Variants in KCNQ5 observed in about 807,000 individuals in gnomAD.
The protein encoded by KCNQ5 is potassium voltage-gated channel subfamily KQT member 5.
A neutral mutation model predicts 98.2 loss-of-function variants in KCNQ5; 30 were observed. The ratio of observed to expected loss-of-function variants is 0.31; its 90% confidence interval spans 0.23 to 0.41. The LOEUF is 0.41. Among genes scored for constraint, KCNQ5 ranks in the 10% least tolerant of loss-of-function variants. The probability of loss-of-function intolerance (pLI) is 1.00; values close to 1 mark genes in which losing one functional copy is unlikely to be tolerated. For missense variants in KCNQ5, 835 were observed against 1,182.5 expected, an observed-to-expected ratio of 0.71 and a Z score of 4.31; for synonymous variants, 458 against 449.4, an observed-to-expected ratio of 1.02 and a Z score of -0.24.
At position 73,146,626 on chromosome 6, in the gene KCNQ5, CAAAAAAA is replaced by C. The variant is rs58798764; in HGVS notation, c.1468+13006_1468+13012del. ...TGGGCAACAGAACAAGTCCCTGTCT[CAAAAAAA>C]AAAAAAAAAAAAAAAAAAAAGCAAT... On this transcript the variant is annotated intron_variant, in intron 10 of 13. Transcript: ENST00000370398. Among the ~76,000 whole-genome samples the C allele has an allele frequency of 3.7e-3, 105 of 28,476 alleles. 1 individual carries two copies. Among genetic ancestry groups the C allele is most frequent in the South Asian group, 9.2e-3 (7 of 764 alleles). 18.7% of individuals were successfully genotyped at this position (28,476 alleles called of 152,430 possible).
At chr6:73,151,175 A>T (rs980421949) in intron 10 of KCNQ5, among the ~76,000 whole-genome samples, 5 of 152,196 alleles carry the variant, frequency 3.3e-5, no homozygotes, top group Admixed American at 1.3e-4. Context: ...AATAAAAGTC[A>T]AATGATATAA....
chr6:72,874,449 G>A (rs1385302321), intron 1 of KCNQ5, among the ~76,000 whole-genome samples: 1 of 151,902 alleles, frequency 6.6e-6, no homozygotes, highest in East Asian at 1.9e-4. Context: ...TATTGCAAAT[G>A]GTTTAACAAT....
At chr6:73,124,727 C>A in intron 9 of KCNQ5, 1 of 577,136 alleles carries the variant, frequency 1.7e-6, no homozygotes, top group Non-Finnish European at 3.1e-6. Context: ...TTTTCAAAAT[C>A]TGCAGGGCAT....
chr6:72,928,414 C>T (rs1027183809), intron 1 of KCNQ5, among the ~76,000 whole-genome samples: 34 of 151,984 alleles, frequency 2.2e-4, no homozygotes, highest in African/African-American at 8.2e-4. Flanking sequence ...TTCATAATTG[C>T]TACCTGGGTT....
intron 1 of KCNQ5, among the ~76,000 whole-genome samples, chr6:72,772,940 TA>T (rs1459358865): frequency 6.6e-6 from 1 of 152,172 alleles, no homozygotes; most frequent in Non-Finnish European, 1.5e-5. Flanking sequence ...TATAGATCTC[TA>T]ACAGGAAATT....
At chr6:72,911,015 G>A (rs1430727229) in intron 1 of KCNQ5, among the ~76,000 whole-genome samples, 1 of 152,150 alleles carries the variant, frequency 6.6e-6, no homozygotes, top group Admixed American at 6.6e-5. Flanking sequence ...CCCAGGTCAG[G>A]CTGTGAACAG....
In KCNQ5 at chr6:73,197,211, T is replaced by A. The variant is rs925343565; in HGVS notation, c.*1797T>A. 7.2e-5 allele frequency: 11 copies of A among 152,254 alleles called. No individual in the cohort carries two copies. The highest frequency in any genetic ancestry group is 2.2e-4 in the African/African-American group (9 of 41,438). 9.4% of individuals were successfully genotyped at this position (152,254 alleles called of 1,614,324 possible). A position where few individuals can be genotyped will look rare whatever the true frequency, so the allele number is the denominator to read the frequency against. On this transcript the variant is annotated 3_prime_UTR_variant, in exon 14 of 14. Transcript: ENST00000370398. ...TAACTCCTTATTCATTCCCTGCCAGTATTTTGCTTCTGAACTTCACCAGGC... is the reference window on the plus strand; with the variant it reads ...TAACTCCTTATTCATTCCCTGCCAGAATTTTGCTTCTGAACTTCACCAGGC...
At chr6:73,001,629 C>T (rs371071638) in intron 1 of KCNQ5, among the ~76,000 whole-genome samples, 1 of 152,112 alleles carries the variant, frequency 6.6e-6, no homozygotes, top group Non-Finnish European at 1.5e-5. Context: ...GAGGGAATAT[C>T]CAGATAAGGG....
At chr6:73,010,796 A>G (rs1185166381) in intron 2 of KCNQ5, among the ~76,000 whole-genome samples, 1 of 152,014 alleles carries the variant, frequency 6.6e-6, no homozygotes, top group African/African-American at 2.4e-5. Flanking sequence ...ATCAAAAAAT[A>G]CTTAGGAATT....
At chr6:73,075,017 A>T (rs1773468050) in intron 3 of KCNQ5, among the ~76,000 whole-genome samples, 1 of 152,196 alleles carries the variant, frequency 6.6e-6, no homozygotes. Flanking sequence ...TCAGGAGTAA[A>T]TCCCTCAACA....
chr6:73,004,445 A>G (rs187395581), intron 2 of KCNQ5, among the ~76,000 whole-genome samples: 109 of 152,310 alleles, frequency 7.2e-4, no homozygotes, highest in African/African-American at 2.5e-3. Flanking sequence ...TCATAAGAAA[A>G]TAGAAGGCTC....
At position 72,622,351 on chromosome 6, in the gene KCNQ5, G is replaced by A. The variant is rs980697551; in HGVS notation, c.162G>A (p.Arg54=). 16 of 1,433,006 alleles carry A rather than the reference G, an allele frequency of 1.1e-5. No homozygotes were observed. The highest frequency in any genetic ancestry group is 2.2e-4 in the Middle Eastern group (1 of 4,590). The allele number at this position is 1,433,006 out of a possible 1,614,324, so 88.8% of individuals were successfully genotyped here. A position where few individuals can be genotyped will look rare whatever the true frequency, so the allele number is the denominator to read the frequency against. ...GRVLLNSAAA[R]GDGLLLLGTR... is the part of the protein sequence containing the mutation. ...TGCTGCTGAACTCGGCAGCCGCCAG[G>A]GGCGACGGCCTGCTACTGCTGGGCA... is the stretch of plus-strand genomic sequence containing the variant. Residue 54 remains arginine, a synonymous_variant, in exon 1 of 14, where the codon AGG becomes AGA. Coordinates refer to ENST00000370398, the MANE Select transcript of KCNQ5 (RefSeq NM_019842.4). The surrounding 1 kb of genome is among the most constrained non-coding windows in gnomAD (Gnocchi z 6.0).
At chr6:73,033,598 C>T (rs972886243) in intron 2 of KCNQ5, among the ~76,000 whole-genome samples, 5 of 152,108 alleles carry the variant, frequency 3.3e-5, no homozygotes, top group South Asian at 2.1e-4. Flanking sequence ...TGAGACTAGC[C>T]GCAGTGACAC....
chr6:72,820,080 G>A (rs1562004048), intron 1 of KCNQ5, among the ~76,000 whole-genome samples: 1 of 152,124 alleles, frequency 6.6e-6, no homozygotes, highest in Non-Finnish European at 1.5e-5. Context: ...CATTGTACCA[G>A]TGTAGGCCCA....
chr6:72,794,593 A>G (rs1280650422), intron 1 of KCNQ5, among the ~76,000 whole-genome samples: 2 of 152,220 alleles, frequency 1.3e-5, no homozygotes, highest in Admixed American at 1.3e-4. Flanking sequence ...TATATATAAC[A>G]TTTCAGGGGT....
chr6:72,809,367 A>G (rs1775122873), intron 1 of KCNQ5, among the ~76,000 whole-genome samples: 1 of 151,826 alleles, frequency 6.6e-6, no homozygotes, highest in African/African-American at 2.4e-5. Flanking sequence ...CAATGTGCAC[A>G]TGTACCCTAA....
chr6:73,118,755 C>T (rs1432361673), intron 7 of KCNQ5, among the ~76,000 whole-genome samples: 1 of 152,182 alleles, frequency 6.6e-6, no homozygotes, highest in Non-Finnish European at 1.5e-5. Flanking sequence ...GGCATGGTGG[C>T]TCATGCCTGT....
chr6:72,687,706 C>G (rs909314926), intron 1 of KCNQ5, among the ~76,000 whole-genome samples: 9 of 152,030 alleles, frequency 5.9e-5, no homozygotes, highest in African/African-American at 1.7e-4. Context: ...AGCATTGTGT[C>G]TCAAACTGTA....
chr6:72,910,787 A>T (rs1475915606), intron 1 of KCNQ5, among the ~76,000 whole-genome samples: 2 of 152,180 alleles, frequency 1.3e-5, no homozygotes, highest in East Asian at 3.9e-4. Flanking sequence ...ATCAATTTAT[A>T]TATAAAGAGG....
Sources: allele counts gnomAD v4.1 joint callset (sites outside exome capture counted in the v4.1 genomes callset), GRCh38; gene constraint gnomAD v4.1.1; non-coding constraint Gnocchi (gnomAD v3.1); transcripts MANE v1.5; gene names NCBI Gene and HGNC (gene_info 2026-07-23, HGNC 2026-07-21).